Variants in WDR93 observed in about 807,000 individuals in gnomAD.
WDR93 encodes WD repeat domain 93, also known as WD repeat-containing protein 93.
WDR93 carries 73 observed loss-of-function variants against 82.9 expected under a neutral mutation model. The observed-to-expected ratio is 0.88, with a 90% CI of 0.73 to 1.07. WDR93 has a LOEUF of 1.07. Ranked by LOEUF, WDR93 falls within the 50% of genes least tolerant of loss-of-function variation. The pLI, the probability that WDR93 is intolerant of heterozygous loss-of-function variation, is 0.00. For missense variants in WDR93, 738 were observed against 826.0 expected (o/e 0.89, Z 1.31); for synonymous variants, 283 against 300.1 (o/e 0.94, Z 0.59).
intron 1 of WDR93, among the ~76,000 whole-genome samples, chr15:89,694,875 G>C (rs1000572114): frequency 1.3e-5 from 2 of 152,036 alleles, no homozygotes; most frequent in African/African-American, 4.8e-5. Flanking sequence ...GGTATGGATC[G>C]GCATTCATTT....
chr15:89,721,979 T>C, intron 7 of WDR93, 76 bp from the exon 8 acceptor site: 7 of 1,009,248 alleles, frequency 6.9e-6, no homozygotes, highest in Non-Finnish European at 8.7e-6. Flanking sequence ...TCCACCTTCT[T>C]TTAAAATTAG....
At position 89,714,984 on chromosome 15, in the gene WDR93, C is replaced by G; in HGVS notation, c.645C>G (p.Ala215=). The change falls in exon 6 of 17, where the codon GCC becomes GCG. Residue 215 remains alanine, a synonymous_variant. Transcript: ENST00000268130. ...GDFAAFLLQG[A]GDIWLDVYKL... Reference sequence around the variant, plus strand: ...TTCTCTGGTTTCCCAATGCAGGAGCCGGAGATATTTGGCTGGATGTGTATA... The same window carrying G: ...TTCTCTGGTTTCCCAATGCAGGAGCGGGAGATATTTGGCTGGATGTGTATA... 1 of 1,613,184 alleles carries G rather than the reference C, an allele frequency of 6.2e-7. No homozygotes were observed. The highest frequency in any genetic ancestry group is 8.5e-7 in the Non-Finnish European group (1 of 1,179,536).
chr15:89,705,415 A>AG (rs1354025180), intron 3 of WDR93, 139 bp from the exon 4 acceptor site: 8 of 682,556 alleles, frequency 1.2e-5, no homozygotes, highest in Non-Finnish European at 2.2e-5. Flanking sequence ...AGAGCAGCAT[A>AG]GGCAGTGGAG....
chr15:89,704,651 G>A (rs1354993489), intron 3 of WDR93: 1 of 152,084 alleles, frequency 6.6e-6, no homozygotes, highest in African/African-American at 2.4e-5. Context: ...AAGATTTCAG[G>A]GTTCTGTGAG....
At chr15:89,720,754 G>C (rs548272213) in intron 7 of WDR93, among the ~76,000 whole-genome samples, 4 of 152,120 alleles carry the variant, frequency 2.6e-5, no homozygotes, top group Non-Finnish European at 4.4e-5. Context: ...CCACAATGTG[G>C]ATTATATTGG....
chr15:89,725,429 T>G lies in WDR93; in HGVS notation c.881-1728T>G, dbSNP rs867967616. 5.3e-5 allele frequency among the ~76,000 whole-genome samples: 8 copies of G among 152,170 alleles called. No homozygotes were observed. The South Asian group carries it at 1.5e-3, about 28-fold the overall frequency. ...CATGTTTAGGTGATAAAAGCATAAA[T>G]AAATGCAATGAAGTGGCTACCATAA... On this transcript the variant is annotated intron_variant, in intron 8 of 16. Coordinates refer to ENST00000268130, the MANE Select transcript of WDR93 (RefSeq NM_020212.2).
chr15:89,703,189 A>AAATGAG, intron 3 of WDR93, 47 bp downstream of exon 3: 1 of 1,604,070 alleles, frequency 6.2e-7, no homozygotes, highest in Non-Finnish European at 8.5e-7. Flanking sequence ...AGGTACCTGT[A>AAATGAG]GACTGTTGTC....
At position 89,712,185 on chromosome 15, in the gene WDR93, C is replaced by T. The variant is rs186788037; in HGVS notation, c.640+81C>T. 1.8e-4 allele frequency: 209 copies of T among 1,141,188 alleles called. No homozygotes were observed. In the Admixed American group the frequency reaches 5.0e-3, roughly 27 times the overall value. 70.7% of individuals were successfully genotyped at this position (1,141,188 alleles called of 1,614,324 possible). ...AAATGATTGCTTTTGTCCCTCCAAA[C>T]CTTTTATTTAGAAATTATTTTCAAT... On this transcript the variant is annotated intron_variant, in intron 5 of 16. Coordinates refer to ENST00000268130, the MANE Select transcript of WDR93 (RefSeq NM_020212.2).
rs1373695109 is a variant in WDR93 at position 89,743,573 on chromosome 15, G to A, written c.*182G>A. The A allele has an allele frequency of 1.6e-6, 1 of 607,010 alleles. No homozygotes were observed. The highest frequency in any genetic ancestry group is 2.9e-6 in the Non-Finnish European group (1 of 345,034). 37.6% of individuals were successfully genotyped at this position (607,010 alleles called of 1,614,324 possible). A position where few individuals can be genotyped will look rare whatever the true frequency, so the allele number is the denominator to read the frequency against. On this transcript the variant is annotated 3_prime_UTR_variant, in exon 17 of 17. Coordinates refer to ENST00000268130, the MANE Select transcript of WDR93 (RefSeq NM_020212.2). Reference sequence around the variant, plus strand: ...AATCTGGGGGACCTTCAACCACTAAGCCTCTTGTCAGAGCCCTCAGGCAGG... The same window carrying A: ...AATCTGGGGGACCTTCAACCACTAAACCTCTTGTCAGAGCCCTCAGGCAGG...
intron 9 of WDR93, 127 bp downstream of exon 9, chr15:89,727,455 G>C: frequency 9.3e-7 from 1 of 1,071,886 alleles, no homozygotes; most frequent in Non-Finnish European, 1.3e-6. Flanking sequence ...GGCCGGGACA[G>C]TGGCCCACAT....
upstream of WDR93, chr15:89,690,560 G>A (rs1184709210): frequency 6.5e-7 from 1 of 1,546,890 alleles, no homozygotes; most frequent in East Asian, 2.5e-5. Context: ...GGCGGAGGCC[G>A]CTGGCACCTG....
chr15:89,726,605 CA>C (rs1230652976), intron 8 of WDR93, among the ~76,000 whole-genome samples: 3 of 151,948 alleles, frequency 2.0e-5, no homozygotes, highest in African/African-American at 7.3e-5. Context: ...GATTTAGGAA[CA>C]GATGAAAAAG....
intron 6 of WDR93, 136 bp downstream of exon 6, chr15:89,715,231 T>C: frequency 3.0e-6 from 2 of 669,844 alleles, no homozygotes; most frequent in South Asian, 4.4e-5. Flanking sequence ...GGCCCCTGTC[T>C]CCCAAGTCAA....
intron 16 of WDR93, among the ~76,000 whole-genome samples, chr15:89,742,352 G>A (rs1194654055): frequency 1.3e-5 from 2 of 151,964 alleles, no homozygotes; most frequent in Non-Finnish European, 2.9e-5. Context: ...TCCTCTTCCT[G>A]TTTGCCTAAG....
At chr15:89,706,117 AAC>A in intron 4 of WDR93, among the ~76,000 whole-genome samples, 1 of 152,120 alleles carries the variant, frequency 6.6e-6, no homozygotes, top group Admixed American at 6.6e-5. Context: ...TGACAAAGAG[AAC>A]ACAGTTTCTA....
chr15:89,738,237 G>T lies in WDR93; in HGVS notation c.1961+1G>T. On this transcript the variant is annotated splice_donor_variant, in intron 16 of 16. Coordinates refer to ENST00000268130, the MANE Select transcript of WDR93 (RefSeq NM_020212.2). LOFTEE classifies it high-confidence loss of function. ...GATGTGAGCGTTTCCTCCAGAAGAG[G>T]TAAAGAGCTCTGTGTCTTCACCCCC... The T allele has an allele frequency of 1.2e-6, 2 of 1,600,120 alleles. No individual in the cohort carries two copies. Among genetic ancestry groups the T allele is most frequent in the Admixed American group, 1.7e-5 (1 of 57,472 alleles).
At chr15:89,695,623 A>T (rs1190030273) in intron 1 of WDR93, among the ~76,000 whole-genome samples, 1 of 152,176 alleles carries the variant, frequency 6.6e-6, no homozygotes, top group African/African-American at 2.4e-5. Flanking sequence ...ATAGAAATAC[A>T]ATCAGTTTTT....
chr15:89,735,754 C>T (rs1405365369), intron 14 of WDR93, among the ~76,000 whole-genome samples: 1 of 152,200 alleles, frequency 6.6e-6, no homozygotes, highest in Non-Finnish European at 1.5e-5. Context: ...GAGAAGTCAC[C>T]AGGCAGCTGC....
At chr15:89,736,824 C>T (rs1429428742) in intron 14 of WDR93, among the ~76,000 whole-genome samples, 3 of 149,192 alleles carry the variant, frequency 2.0e-5, no homozygotes, top group Non-Finnish European at 4.4e-5. Context: ...CGGAGTCTCG[C>T]TCTGCCGCCC....
Sources: allele counts gnomAD v4.1 joint callset (sites outside exome capture counted in the v4.1 genomes callset), GRCh38; gene constraint gnomAD v4.1.1; transcripts MANE v1.5; gene names NCBI Gene and HGNC (gene_info 2026-07-23, HGNC 2026-07-21).